The following KCNQ5 variants were observed in gnomAD, a reference collection of about 807,000 sequenced individuals.
KCNQ5 encodes potassium voltage-gated channel subfamily Q member 5.
A neutral mutation model predicts 98.2 loss-of-function variants in KCNQ5; 30 were observed. The observed-to-expected ratio is 0.31, with a 90% CI of 0.23 to 0.41. The LOEUF is 0.41. KCNQ5 is among the 10% of genes least tolerant of loss of function. The pLI is 1.00. For synonymous variants in KCNQ5, 458 were observed against 449.4 expected (o/e 1.02, Z -0.24); for missense variants, 835 against 1,182.5 (o/e 0.71, Z 4.31).
In KCNQ5 at chr6:73,153,134, G is replaced by A. The variant is rs146223655; in HGVS notation, c.1469-16612G>A. Among the ~76,000 whole-genome samples the A allele has an allele frequency of 2.8e-4, 43 of 152,098 alleles. No homozygotes were observed. In the East Asian group the frequency reaches 8.1e-3, roughly 29 times the overall value. ...ATGCTTGGATCAAGAAGTACCTAAC[G>A]TTGCCAATTCCTGAGCCTTTTGAGT... On this transcript the variant is annotated intron_variant, in intron 10 of 13. Coordinates refer to ENST00000370398, the MANE Select transcript of KCNQ5 (RefSeq NM_019842.4).
At chr6:73,165,580 C>T (rs1279979232) in intron 10 of KCNQ5, among the ~76,000 whole-genome samples, 2 of 152,166 alleles carry the variant, frequency 1.3e-5, no homozygotes, top group Admixed American at 6.5e-5. Flanking sequence ...GGGTCCACAC[C>T]GTGCCAAGTG....
At chr6:72,705,640 A>G (rs1769039785) in intron 1 of KCNQ5, among the ~76,000 whole-genome samples, 1 of 151,832 alleles carries the variant, frequency 6.6e-6, no homozygotes, top group Admixed American at 6.6e-5. Flanking sequence ...AATACAATAA[A>G]TCAAAATTTG....
At chr6:73,039,447 T>C (rs976978312) in intron 2 of KCNQ5, among the ~76,000 whole-genome samples, 6 of 152,166 alleles carry the variant, frequency 3.9e-5, no homozygotes, top group Non-Finnish European at 7.4e-5. Flanking sequence ...ATCTATAATG[T>C]AAGCATTTAG....
At chr6:73,113,747 G>C (rs1775358767) in intron 7 of KCNQ5, among the ~76,000 whole-genome samples, 1 of 152,248 alleles carries the variant, frequency 6.6e-6, no homozygotes, top group South Asian at 2.1e-4. Context: ...CAGTCAAAAT[G>C]AGGCAAGGCC....
chr6:72,881,881 G>T (rs897984086), intron 1 of KCNQ5, among the ~76,000 whole-genome samples: 7 of 152,058 alleles, frequency 4.6e-5, no homozygotes, highest in Non-Finnish European at 8.8e-5. Flanking sequence ...CAGTAGAGAT[G>T]GGGTTTCGCC....
chr6:72,679,112 GA>G (rs1767563858), intron 1 of KCNQ5, among the ~76,000 whole-genome samples: 1 of 152,086 alleles, frequency 6.6e-6, no homozygotes, highest in South Asian at 2.1e-4. Flanking sequence ...TTTGTTTTGG[GA>G]AATGATGATG....
At chr6:73,163,551 A>G (rs1777690578) in intron 10 of KCNQ5, among the ~76,000 whole-genome samples, 1 of 152,238 alleles carries the variant, frequency 6.6e-6, no homozygotes, top group Non-Finnish European at 1.5e-5. Context: ...GTTCAAGGCC[A>G]GCCTGGCCAA....
At chr6:72,675,132 C>T (rs1052018570) in intron 1 of KCNQ5, among the ~76,000 whole-genome samples, 2 of 152,082 alleles carry the variant, frequency 1.3e-5, no homozygotes, top group African/African-American at 4.8e-5. Context: ...ACCAACCAAC[C>T]ATAAAACAAA....
intron 1 of KCNQ5, among the ~76,000 whole-genome samples, chr6:72,696,347 T>C (rs1768498036): frequency 1.3e-5 from 2 of 151,774 alleles, no homozygotes; most frequent in South Asian, 4.1e-4. Flanking sequence ...CTACAAACAA[T>C]ACTTGATAAA....
intron 1 of KCNQ5, among the ~76,000 whole-genome samples, chr6:72,645,607 C>G (rs962382323): frequency 2.0e-5 from 3 of 152,026 alleles, no homozygotes; most frequent in Non-Finnish European, 2.9e-5. Context: ...CTGCATCTCC[C>G]TCATAGAAAG....
chr6:72,974,606 T>C (rs28497997), intron 1 of KCNQ5, among the ~76,000 whole-genome samples: 6 of 152,130 alleles, frequency 3.9e-5, no homozygotes, highest in African/African-American at 1.4e-4. Flanking sequence ...CAACCAAATA[T>C]GGGACATGTT....
chr6:72,988,538 A>T (rs533808452), intron 1 of KCNQ5, among the ~76,000 whole-genome samples: 1 of 152,266 alleles, frequency 6.6e-6, no homozygotes, highest in South Asian at 2.1e-4. Flanking sequence ...TAGGTCAAAA[A>T]ACTACCTACT....
chr6:72,627,370 A>G (rs2098918473), intron 1 of KCNQ5, among the ~76,000 whole-genome samples: 1 of 152,202 alleles, frequency 6.6e-6, no homozygotes, highest in Non-Finnish European at 1.5e-5. Flanking sequence ...AGCCAATGGA[A>G]GAACCTGGGA....
chr6:72,924,527 T>C (rs1780539492), intron 1 of KCNQ5, among the ~76,000 whole-genome samples: 1 of 152,158 alleles, frequency 6.6e-6, no homozygotes, highest in African/African-American at 2.4e-5. Context: ...CAGCCTATTG[T>C]CATCAACAGC....
chr6:73,182,793 G>A lies in KCNQ5; in HGVS notation c.1578-7780G>A, dbSNP rs538361041. On this transcript the variant is annotated intron_variant, in intron 11 of 13. Transcript: ENST00000370398. ...GCTTTTTGCTCATGATATACGTTGG[G>A]AATATATTACATATATTTGCTGGAA... is the stretch of plus-strand genomic sequence containing the variant. Among the ~76,000 whole-genome samples the A allele has an allele frequency of 2.6e-5, 4 of 152,118 alleles. No homozygotes were observed. The South Asian group carries it at 8.3e-4, about 32-fold the overall frequency.
At chr6:72,819,878 C>T (rs564896540) in intron 1 of KCNQ5, among the ~76,000 whole-genome samples, 2 of 152,314 alleles carry the variant, frequency 1.3e-5, no homozygotes, top group East Asian at 1.9e-4. Flanking sequence ...CCTTGGCAGC[C>T]TGTTGACTTG....
chr6:72,677,540 C>T (rs938425902), intron 1 of KCNQ5, among the ~76,000 whole-genome samples: 6 of 152,140 alleles, frequency 3.9e-5, no homozygotes, highest in Admixed American at 6.5e-5. Context: ...TTTACTCATG[C>T]TTGCCTTGCC....
chr6:72,897,121 C>T (rs141893373), intron 1 of KCNQ5, among the ~76,000 whole-genome samples: 2 of 152,114 alleles, frequency 1.3e-5, no homozygotes, highest in East Asian at 3.9e-4. Context: ...CAGAGTACTC[C>T]AGGCATAGAA....
chr6:72,882,328 A>T (rs951556149), intron 1 of KCNQ5, among the ~76,000 whole-genome samples: 7 of 152,224 alleles, frequency 4.6e-5, no homozygotes, highest in Admixed American at 2.0e-4. Context: ...GCATCATGTT[A>T]AAAGTAGATG....
Sources: gnomAD v4.1 joint callset for allele counts (sites outside exome capture counted in the v4.1 genomes callset) on GRCh38, gnomAD v4.1.1 for gene constraint, MANE v1.5 for transcripts, NCBI Gene and HGNC (gene_info 2026-07-23, HGNC 2026-07-21) for gene names.